Variants in LIPK observed in about 807,000 individuals in gnomAD.
LIPK encodes lipase family member K.
A neutral mutation model predicts 48.6 loss-of-function variants in LIPK; 32 were observed. The ratio of observed to expected loss-of-function variants is 0.66; its 90% CI spans 0.50 to 0.88. The LOEUF (loss-of-function observed/expected upper bound fraction) is 0.88, where lower values mean the gene tolerates loss of function less well. Ranked by LOEUF, LIPK falls within the 40% of genes least tolerant of loss-of-function variation. The pLI is 0.00. For missense variants in LIPK, 507 were observed against 478.5 expected (o/e 1.06, Z -0.56); for synonymous variants, 164 against 157.4 (o/e 1.04, Z -0.32).
intron 8 of LIPK, among the ~76,000 whole-genome samples, chr10:88,742,771 A>G (rs532912097): frequency 1.3e-5 from 2 of 152,022 alleles, no homozygotes; most frequent in Non-Finnish European, 1.5e-5. Flanking sequence ...TAGTAAAAAA[A>G]AAAAGTTTAA....
intron 4 of LIPK, among the ~76,000 whole-genome samples, 161 bp from the exon 5 acceptor site, chr10:88,732,017 G>C (rs946617013): frequency 1.3e-5 from 2 of 152,182 alleles, no homozygotes; most frequent in African/African-American, 4.8e-5. Context: ...TGCAATCAAG[G>C]TGACACCCTT....
intron 9 of LIPK, among the ~76,000 whole-genome samples, chr10:88,743,771 G>A (rs1381112495): frequency 2.0e-5 from 3 of 152,140 alleles, no homozygotes; most frequent in East Asian, 1.9e-4. Context: ...AAGCCTGAAC[G>A]GGGTTGCTGA....
chr10:88,729,258 G>C (rs74677187), intron 3 of LIPK, among the ~76,000 whole-genome samples: 4 of 110,178 alleles, frequency 3.6e-5, no homozygotes, highest in Non-Finnish European at 5.8e-5. Context: ...CTGTTGGGGG[G>C]GGGGGGCGGG....
intron 1 of LIPK, among the ~76,000 whole-genome samples, chr10:88,724,171 C>G (rs1205928601): frequency 1.3e-5 from 2 of 152,148 alleles, no homozygotes; most frequent in East Asian, 1.9e-4. Flanking sequence ...ACCAACCAAT[C>G]TAGTAACTAG....
chr10:88,735,302 T>C (rs1842549155), intron 6 of LIPK, among the ~76,000 whole-genome samples: 1 of 152,192 alleles, frequency 6.6e-6, no homozygotes, highest in South Asian at 2.1e-4. Context: ...TCTACTTTCT[T>C]TCTGACCTAT....
At chr10:88,746,408 A>G (rs895636442) in intron 9 of LIPK, among the ~76,000 whole-genome samples, 1 of 151,128 alleles carries the variant, frequency 6.6e-6, no homozygotes, top group Non-Finnish European at 1.5e-5. Context: ...TTAAAAAAAA[A>G]CTGAAATTAT....
chr10:88,724,786 A>G (rs557669250), intron 2 of LIPK, 138 bp downstream of exon 2: 1 of 629,138 alleles, frequency 1.6e-6, no homozygotes, highest in Non-Finnish European at 2.8e-6. Context: ...CTGTTTCTTG[A>G]TATGGCTAAC....
In LIPK at chr10:88,732,399, T is replaced by C. The variant is rs1022906988; in HGVS notation, c.533-16T>C. 4.4e-6 allele frequency: 7 copies of C among 1,605,568 alleles called. No individual in the cohort carries two copies. The East Asian group carries it at 1.3e-4, about 31-fold the overall frequency. ...ATTATCTGAAAACTATGAACTACTG[T>C]CTTCTTCCATTTCAGCTTTTATAGC... On this transcript the variant is annotated splice_polypyrimidine_tract_variant and intron_variant, in intron 5 of 9. Coordinates refer to ENST00000404190, the MANE Select transcript of LIPK (RefSeq NM_001080518.2).
intron 8 of LIPK, 134 bp downstream of exon 8, chr10:88,740,201 C>G: frequency 2.0e-6 from 1 of 491,430 alleles, no homozygotes; most frequent in Non-Finnish European, 3.6e-6. Flanking sequence ...TCAGCATCAA[C>G]TCTTCATTTT....
intron 1 of LIPK, among the ~76,000 whole-genome samples, chr10:88,712,693 T>C (rs1327074878): frequency 6.6e-6 from 1 of 152,204 alleles, no homozygotes; most frequent in African/African-American, 2.4e-5. Context: ...CAGGGATTTA[T>C]CTGAGCTGAT....
chr10:88,720,747 C>T (rs1404969760), intron 1 of LIPK, among the ~76,000 whole-genome samples: 1 of 148,920 alleles, frequency 6.7e-6, no homozygotes, highest in African/African-American at 2.5e-5. Flanking sequence ...TATAAGTCTC[C>T]AAGGAAGTCA....
intron 1 of LIPK, among the ~76,000 whole-genome samples, chr10:88,715,082 T>A (rs303520): frequency 0.78 from 119,178 of 152,022 alleles, 47,685 homozygotes; most frequent in East Asian, 1. Flanking sequence ...ATATCTTCTA[T>A]TTTCCATTTT....
At chr10:88,739,899 A>G (rs2134767089) in intron 7 of LIPK, 97 bp from the exon 8 acceptor site, 1 of 674,696 alleles carries the variant, frequency 1.5e-6, no homozygotes, top group Non-Finnish European at 2.5e-6. Flanking sequence ...AAGAAAGGGA[A>G]AAGAGGAAAA....
chr10:88,726,995 T>C (rs1252757621), intron 3 of LIPK, 83 bp downstream of exon 3: 9 of 797,438 alleles, frequency 1.1e-5, no homozygotes, highest in Non-Finnish European at 1.7e-5. Flanking sequence ...CAGTTTTTGT[T>C]CTGAAATTCT....
At chr10:88,716,008 A>G (rs1842110483) in intron 1 of LIPK, among the ~76,000 whole-genome samples, 1 of 152,100 alleles carries the variant, frequency 6.6e-6, no homozygotes, top group Non-Finnish European at 1.5e-5. Context: ...ACACCACCAT[A>G]TTTGGAAGTG....
chr10:88,722,226 C>T (rs912179735), intron 1 of LIPK, among the ~76,000 whole-genome samples: 4 of 152,124 alleles, frequency 2.6e-5, no homozygotes, highest in African/African-American at 9.7e-5. Context: ...ACCCAGAAGA[C>T]AGATGTTGCA....
chr10:88,737,786 G>C lies in LIPK; in HGVS notation c.816+5G>C. 6.2e-7 allele frequency: 1 copy of C among 1,613,552 alleles called. No homozygotes were observed. The highest frequency in any genetic ancestry group is 1.7e-5 in the Admixed American group (1 of 60,002). On this transcript the variant is annotated splice_donor_5th_base_variant and intron_variant, in intron 7 of 9. Coordinates refer to ENST00000404190, the MANE Select transcript of LIPK (RefSeq NM_001080518.2). ...GATCCGCAAAACTTAAATATGGTAGGTGTAAGTAATTGGGTCTGGGAAAAC... is the reference window on the plus strand; with the variant it reads ...GATCCGCAAAACTTAAATATGGTAGCTGTAAGTAATTGGGTCTGGGAAAAC...
chr10:88,749,853 A>G (rs1432018579), intron 9 of LIPK, among the ~76,000 whole-genome samples: 1 of 140,462 alleles, frequency 7.1e-6, no homozygotes, highest in Non-Finnish European at 1.6e-5. Context: ...GAAACTATCA[A>G]TAGAGGAAGC....
chr10:88,732,608 G>A, intron 6 of LIPK, 57 bp downstream of exon 6: 1 of 1,497,866 alleles, frequency 6.7e-7, no homozygotes, highest in Non-Finnish European at 9.0e-7. Flanking sequence ...TATTTCCATT[G>A]ATTTCAACAG....
Sources: gnomAD v4.1 joint callset for allele counts (sites outside exome capture counted in the v4.1 genomes callset) on GRCh38, gnomAD v4.1.1 for gene constraint, MANE v1.5 for transcripts, NCBI Gene and HGNC (gene_info 2026-07-23, HGNC 2026-07-21) for gene names.